Variants in GDI2 observed in about 807,000 individuals in gnomAD.
GDI2 encodes rab GDP dissociation inhibitor beta.
GDI2 carries 22 observed loss-of-function variants against 54.2 expected under a neutral mutation model. The ratio of observed to expected loss-of-function variants is 0.41; its 90% CI spans 0.29 to 0.58. The LOEUF (loss-of-function observed/expected upper bound fraction) is 0.58. Among genes scored for constraint, GDI2 ranks in the 20% least tolerant of loss-of-function variants. GDI2 has a pLI of 0.35. For missense variants in GDI2, 422 were observed against 546.0 expected (o/e 0.77, Z 2.26); for synonymous variants, 177 against 182.1 (o/e 0.97, Z 0.23).
chr10:5,772,822 A>G (rs541536403), intron 7 of GDI2, among the ~76,000 whole-genome samples: 1 of 152,262 alleles, frequency 6.6e-6, no homozygotes, highest in Non-Finnish European at 1.5e-5. Flanking sequence ...AACATCACCC[A>G]GCACAGGAAT....
intron 1 of GDI2, among the ~76,000 whole-genome samples, chr10:5,804,730 G>A (rs1841339864): frequency 1.3e-5 from 2 of 152,026 alleles, no homozygotes; most frequent in Admixed American, 1.3e-4. Flanking sequence ...ATCTGTTCAT[G>A]TACATACTGT....
chr10:5,787,896 A>C (rs1265493273), intron 4 of GDI2, among the ~76,000 whole-genome samples: 1 of 152,128 alleles, frequency 6.6e-6, no homozygotes, highest in Admixed American at 6.5e-5. Flanking sequence ...AAAATCTATC[A>C]TGTTTCCTTC....
In GDI2 at chr10:5,776,500, G is replaced by T; in HGVS notation, c.720-2559C>A. On this transcript the variant is annotated intron_variant, in intron 6 of 10. Transcript: ENST00000380191. This position sits in a 1 kb window ranked among gnomAD's most constrained non-coding sequence, Gnocchi z 5.3. Reference sequence around the variant, plus strand: ...GCAGAGCCATGTATTAGAAGCAAAGGCCCGAAAGATAAAACAATTATAGAG... The same window carrying T: ...GCAGAGCCATGTATTAGAAGCAAAGTCCCGAAAGATAAAACAATTATAGAG... 11 of 1,255,226 alleles carry T rather than the reference G, an allele frequency of 8.8e-6. No individual in the cohort carries two copies. Among genetic ancestry groups the T allele is most frequent in the Non-Finnish European group, 1.2e-5 (10 of 857,000 alleles). The allele number at this position is 1,255,226 out of a possible 1,614,324, so 77.8% of individuals were successfully genotyped here. A position where few individuals can be genotyped will look rare whatever the true frequency, so the allele number is the denominator to read the frequency against.
Position 5,802,578 on chromosome 10 carries a change from T to C in GDI2, c.46-1873A>G, listed in dbSNP as rs1038162921. Reference sequence around the variant, plus strand: ...CGCGCCACTGCACTCCAGCCTGGTGTCAGAGCAAGACTCCATCTCAAAAAA... The same window carrying C: ...CGCGCCACTGCACTCCAGCCTGGTGCCAGAGCAAGACTCCATCTCAAAAAA... On this transcript the variant is annotated intron_variant, in intron 1 of 10. Transcript: ENST00000380191. Among the ~76,000 whole-genome samples the C allele has an allele frequency of 2.8e-5, 4 of 143,656 alleles. No individual in the cohort carries two copies. In the East Asian group the frequency reaches 8.2e-4, roughly 29 times the overall value. The allele number at this position is 143,656 out of a possible 152,430, so 94.2% of individuals were successfully genotyped here. A position where few individuals can be genotyped will look rare whatever the true frequency, so the allele number is the denominator to read the frequency against.
intron 2 of GDI2, among the ~76,000 whole-genome samples, chr10:5,799,896 G>A (rs1841229725): frequency 6.6e-6 from 1 of 152,092 alleles, no homozygotes. Flanking sequence ...AAAAAATACA[G>A]CAAACTTTAA....
chr10:5,806,359 A>AAGCCCAAGAGTTCAACGCC (rs6143757), intron 1 of GDI2, among the ~76,000 whole-genome samples: 1 of 150,992 alleles, frequency 6.6e-6, no homozygotes, highest in East Asian at 1.9e-4. Flanking sequence ...AGAATCGCTT[A>AAGCCCAAGAGTTCAACGCC]AGCCCAGGTA....
intron 6 of GDI2, among the ~76,000 whole-genome samples, chr10:5,781,248 GCA>G (rs1372900528): frequency 2.7e-5 from 4 of 147,218 alleles, no homozygotes; most frequent in African/African-American, 1.0e-4. Flanking sequence ...AGATTTAAAT[GCA>G]CAGATAAAAT....
At chr10:5,802,799 AAATTAC>A (rs1376646392) in intron 1 of GDI2, among the ~76,000 whole-genome samples, 3 of 152,198 alleles carry the variant, frequency 2.0e-5, no homozygotes, top group Non-Finnish European at 2.9e-5. Context: ...CGGGTGAATG[AAATTAC>A]AAAATCACAC....
intron 1 of GDI2, among the ~76,000 whole-genome samples, chr10:5,810,349 T>G (rs776731172): frequency 3.9e-5 from 6 of 152,266 alleles, no homozygotes; most frequent in Non-Finnish European, 8.8e-5. Context: ...TCTTATTGTT[T>G]TAATCTACTA....
At chr10:5,780,783 CAT>C in intron 6 of GDI2, among the ~76,000 whole-genome samples, 1 of 152,270 alleles carries the variant, frequency 6.6e-6, no homozygotes, top group South Asian at 2.1e-4. Context: ...GGAGAACAAT[CAT>C]ATTTATGGAC....
chr10:5,795,551 T>C (rs1191758046), intron 3 of GDI2, among the ~76,000 whole-genome samples: 2 of 152,266 alleles, frequency 1.3e-5, no homozygotes, highest in Admixed American at 6.5e-5. Flanking sequence ...GTTTTTTTAA[T>C]GTTACAACTT....
At chr10:5,780,471 CTCTT>C (rs1159804575) in intron 6 of GDI2, among the ~76,000 whole-genome samples, 1 of 152,126 alleles carries the variant, frequency 6.6e-6, no homozygotes, top group Non-Finnish European at 1.5e-5. Context: ...AAAGAAGAAT[CTCTT>C]TATTCACAGA....
intron 4 of GDI2, among the ~76,000 whole-genome samples, chr10:5,791,801 A>C (rs556663660): frequency 8.6e-5 from 13 of 151,788 alleles, no homozygotes; most frequent in African/African-American, 3.1e-4. Context: ...CTGTAATCCC[A>C]GCTATTCAGG....
intron 6 of GDI2, among the ~76,000 whole-genome samples, chr10:5,775,351 A>C (rs986468130): frequency 6.6e-6 from 1 of 152,162 alleles, no homozygotes; most frequent in African/African-American, 2.4e-5. Context: ...AGCAGCAAAA[A>C]CCAGAGACTG....
chr10:5,775,715 G>C (rs7089693), intron 6 of GDI2, among the ~76,000 whole-genome samples: 10,127 of 152,254 alleles, frequency 0.067, 873 homozygotes, highest in East Asian at 0.42. Flanking sequence ...AGAGATTATA[G>C]AGGAAGGACA....
intron 2 of GDI2, among the ~76,000 whole-genome samples, chr10:5,798,652 G>T (rs61832866): frequency 0.094 from 14,111 of 150,106 alleles, 781 homozygotes; most frequent in East Asian, 0.15. Context: ...AAAAAGAAAA[G>T]AAATCTTACT....
In GDI2 at chr10:5,789,108, A is replaced by AT. The variant is rs536633172; in HGVS notation, c.389-3059dup. Among the ~76,000 whole-genome samples, 436 of 141,046 alleles carry AT rather than the reference A, an allele frequency of 3.1e-3. 2 individuals are homozygous for AT. Among genetic ancestry groups the AT allele is most frequent in the African/African-American group, 7.6e-3 (293 of 38,440 alleles). The allele number at this position is 141,046 out of a possible 152,430, so 92.5% of individuals were successfully genotyped here. On this transcript the variant is annotated intron_variant, in intron 4 of 10. Coordinates refer to ENST00000380191, the MANE Select transcript of GDI2 (RefSeq NM_001494.4). ...TCAGTTCTACGTTTTATTTTACTTG[A>AT]TTTTTTTTTTTTCCTTTTTGAGATG...
At chr10:5,778,659 T>A (rs1242394837) in intron 6 of GDI2, among the ~76,000 whole-genome samples, 1 of 152,260 alleles carries the variant, frequency 6.6e-6, no homozygotes, top group Admixed American at 6.5e-5. Flanking sequence ...GTTTATTGTA[T>A]AATGTACCAT....
chr10:5,790,177 C>T (rs1840980057), intron 4 of GDI2, among the ~76,000 whole-genome samples: 1 of 152,238 alleles, frequency 6.6e-6, no homozygotes, highest in Admixed American at 6.5e-5. Context: ...AGGTCTGCGG[C>T]TGCAGTTGCC....
Sources: allele counts gnomAD v4.1 joint callset (sites outside exome capture counted in the v4.1 genomes callset), GRCh38; gene constraint gnomAD v4.1.1; non-coding constraint Gnocchi (gnomAD v3.1); transcripts MANE v1.5; gene names NCBI Gene and HGNC (gene_info 2026-07-23, HGNC 2026-07-21).